SGPP2: variants seen among roughly 807,000 people sequenced by gnomAD.
The protein encoded by SGPP2 is sphingosine 1-phosphate phosphohydrolase 2.
Under a neutral mutation model 33.9 loss-of-function variants are expected in SGPP2, and 30 were observed. That is an observed-to-expected ratio of 0.89 (90% confidence interval 0.66 to 1.20). The LOEUF is 1.20. SGPP2 is among the 50% of genes most tolerant of loss of function. The pLI, the probability that SGPP2 is intolerant of heterozygous loss-of-function variation, is 0.00. For synonymous variants in SGPP2, 233 were observed against 225.0 expected (o/e 1.04, Z -0.32); for missense variants, 458 against 532.1 (o/e 0.86, Z 1.37).
intron 2 of SGPP2, chr2:222,503,815 G>A (rs964532033): frequency 6.6e-5 from 10 of 152,154 alleles, no homozygotes; most frequent in African/African-American, 1.9e-4. Flanking sequence ...ATTCCTCAGT[G>A]ACCGAGGGCC....
In SGPP2 at chr2:222,558,385, C is replaced by T. The variant is rs1307847251; in HGVS notation, c.687C>T (p.Ile229=). Reference sequence around the variant, plus strand: ...GCGTCCTGATCACCGCACTCCTCATCGTCCTCACCTACCCTGCCTGGACCT... The same window carrying T: ...GCGTCCTGATCACCGCACTCCTCATTGTCCTCACCTACCCTGCCTGGACCT... ...LGGVLITALL[I]VLTYPAWTFI... is the part of the protein sequence containing the mutation. The change falls in exon 5 of 5, where the codon ATC becomes ATT. Residue 229 remains isoleucine, a synonymous_variant. Transcript: ENST00000321276. The T allele has an allele frequency of 3.1e-6, 5 of 1,614,164 alleles. No homozygotes were observed. The highest frequency in any genetic ancestry group is 2.7e-5 in the African/African-American group (2 of 75,032).
chr2:222,501,840 C>A (rs1019407409), intron 2 of SGPP2, among the ~76,000 whole-genome samples: 1 of 152,180 alleles, frequency 6.6e-6, no homozygotes, highest in Non-Finnish European at 1.5e-5. Context: ...AAATAGTCTA[C>A]AGAGTTGTTT....
rs530745045 is a variant in SGPP2 at position 222,444,105 on chromosome 2, A to G, written c.219+19284A>G. On this transcript the variant is annotated intron_variant, in intron 1 of 4. Coordinates refer to ENST00000321276, the MANE Select transcript of SGPP2 (RefSeq NM_152386.4). Reference sequence around the variant, plus strand: ...GGCACTTCTATTATTTTAATGTGACAAGGTCTTTTCCAAGAAGAAATTCCT... The same window carrying G: ...GGCACTTCTATTATTTTAATGTGACGAGGTCTTTTCCAAGAAGAAATTCCT... 3.3e-4 allele frequency among the ~76,000 whole-genome samples: 51 copies of G among 152,350 alleles called. 1 individual carries two copies. In the South Asian group the frequency reaches 0.01, roughly 31 times the overall value.
At chr2:222,433,828 G>C (rs188098102) in intron 1 of SGPP2, among the ~76,000 whole-genome samples, 3 of 152,326 alleles carry the variant, frequency 2.0e-5, no homozygotes, top group Non-Finnish European at 4.4e-5. Context: ...AAAGTTAGTT[G>C]ATGGTGAAAC....
In SGPP2 at chr2:222,509,906, C is replaced by T. The variant is rs191019167; in HGVS notation, c.379-11861C>T. On this transcript the variant is annotated intron_variant, in intron 2 of 4. Coordinates refer to ENST00000321276, the MANE Select transcript of SGPP2 (RefSeq NM_152386.4). ...CCCAATATCCATTAGCACACACTAC[C>T]GTAGGCAGTGGGGCTAATTTACTTT... Among the ~76,000 whole-genome samples, 13 of 152,282 alleles carry T rather than the reference C, an allele frequency of 8.5e-5. No homozygotes were observed. The East Asian group carries it at 9.7e-4, about 11-fold the overall frequency.
chr2:222,534,594 ATGT>A (rs763921605), intron 4 of SGPP2, among the ~76,000 whole-genome samples: 4 of 152,112 alleles, frequency 2.6e-5, no homozygotes, highest in Admixed American at 2.6e-4. Flanking sequence ...GTATTTTTTC[ATGT>A]TGTTTAAAAA....
chr2:222,526,929 C>T (rs966651462), intron 4 of SGPP2, among the ~76,000 whole-genome samples: 1 of 152,088 alleles, frequency 6.6e-6, no homozygotes, highest in African/African-American at 2.4e-5. Flanking sequence ...CCATGGCACA[C>T]GTATACCTGT....
intron 1 of SGPP2, among the ~76,000 whole-genome samples, chr2:222,451,330 T>C (rs1697484607): frequency 6.6e-6 from 1 of 152,248 alleles, no homozygotes; most frequent in African/African-American, 2.4e-5. Context: ...GGCAGGTGGA[T>C]GTAATCAACT....
In SGPP2 at chr2:222,509,907, G is replaced by A. The variant is rs146984294; in HGVS notation, c.379-11860G>A. On this transcript the variant is annotated intron_variant, in intron 2 of 4. Transcript: ENST00000321276. ...CCAATATCCATTAGCACACACTACC[G>A]TAGGCAGTGGGGCTAATTTACTTTC... Among the ~76,000 whole-genome samples, 6 of 152,238 alleles carry A rather than the reference G, an allele frequency of 3.9e-5. No homozygotes were observed. The East Asian group carries it at 7.7e-4, about 20-fold the overall frequency.
intron 4 of SGPP2, among the ~76,000 whole-genome samples, chr2:222,549,526 C>A (rs1413079771): frequency 1.3e-5 from 2 of 152,182 alleles, no homozygotes; most frequent in African/African-American, 4.8e-5. Flanking sequence ...AAAATTTGTT[C>A]TGATGCTTAG....
chr2:222,509,272 A>G (rs958309370), intron 2 of SGPP2, among the ~76,000 whole-genome samples: 22 of 152,268 alleles, frequency 1.4e-4, no homozygotes, highest in African/African-American at 3.1e-4. Flanking sequence ...TGGGTGTCCC[A>G]GTTGTCCTGG....
At chr2:222,438,906 CTCACCCTACCAG>C (rs1437453949) in intron 1 of SGPP2, among the ~76,000 whole-genome samples, 78 of 152,300 alleles carry the variant, frequency 5.1e-4, no homozygotes, top group African/African-American at 1.8e-3. Flanking sequence ...CATAATAGCC[CTCACCCTACCAG>C]TCAGGGAGCC....
chr2:222,530,608 G>A (rs1298735555), intron 4 of SGPP2, among the ~76,000 whole-genome samples: 1 of 152,156 alleles, frequency 6.6e-6, no homozygotes, highest in East Asian at 1.9e-4. Context: ...GAGAGTTAGG[G>A]TTTTGCTCTG....
chr2:222,466,994 A>G (rs1640621614), intron 1 of SGPP2, among the ~76,000 whole-genome samples: 1 of 152,124 alleles, frequency 6.6e-6, no homozygotes, highest in African/African-American at 2.4e-5. Flanking sequence ...TGTCACTGGC[A>G]TTTTAATCTA....
chr2:222,478,295 G>GTGTGTA (rs770770754), intron 2 of SGPP2, among the ~76,000 whole-genome samples: 1 of 138,486 alleles, frequency 7.2e-6, no homozygotes, highest in Admixed American at 7.3e-5. Context: ...GTGTGTGTGT[G>GTGTGTA]TATACGTACG....
At chr2:222,430,112 C>G (rs927308235) in intron 1 of SGPP2, among the ~76,000 whole-genome samples, 1 of 151,992 alleles carries the variant, frequency 6.6e-6, no homozygotes, top group Non-Finnish European at 1.5e-5. Flanking sequence ...TAGAATAGAA[C>G]GATGAATACA....
intron 1 of SGPP2, among the ~76,000 whole-genome samples, chr2:222,459,432 G>A (rs1363122511): frequency 6.6e-6 from 1 of 152,098 alleles, no homozygotes; most frequent in African/African-American, 2.4e-5. Context: ...TTATAGGCAT[G>A]AGCCACCACA....
chr2:222,508,875 G>T (rs1274617210), intron 2 of SGPP2, among the ~76,000 whole-genome samples: 1 of 151,996 alleles, frequency 6.6e-6, no homozygotes, highest in African/African-American at 2.4e-5. Context: ...GTACTAGTTT[G>T]AAATTAAAAT....
At chr2:222,502,126 A>C (rs1698376750) in intron 2 of SGPP2, among the ~76,000 whole-genome samples, 1 of 152,238 alleles carries the variant, frequency 6.6e-6, no homozygotes, top group Non-Finnish European at 1.5e-5. Context: ...TGAAGTAAGG[A>C]AATTGGCCTA....
Sources: allele counts gnomAD v4.1 joint callset (sites outside exome capture counted in the v4.1 genomes callset), GRCh38; gene constraint gnomAD v4.1.1; transcripts MANE v1.5; gene names NCBI Gene and HGNC (gene_info 2026-07-23, HGNC 2026-07-21).